CARS2: variants seen among roughly 807,000 people sequenced by gnomAD.
The protein encoded by CARS2 is cysteinyl-tRNA synthetase 2, mitochondrial, also known as probable cysteine--tRNA ligase, mitochondrial.
In CARS2, 52 loss-of-function variants were observed where a neutral mutation model predicts 68.8. That is an observed-to-expected ratio of 0.76 (90% CI 0.61 to 0.95). CARS2 has a LOEUF of 0.95. Among genes scored for constraint, CARS2 ranks in the 40% least tolerant of loss-of-function variants. The probability of loss-of-function intolerance (pLI) is 0.00; values close to 1 mark genes in which losing one functional copy is unlikely to be tolerated. For missense variants in CARS2, 780 were observed against 754.2 expected (o/e 1.03, Z -0.40); for synonymous variants, 314 against 303.6 (o/e 1.03, Z -0.36).
upstream of CARS2, among the ~76,000 whole-genome samples, chr13:110,708,733 T>G (rs1412720297): frequency 6.6e-6 from 1 of 151,752 alleles, no homozygotes; most frequent in Non-Finnish European, 1.5e-5. Flanking sequence ...GCCCAGCTAA[T>G]TTTTGCATTT....
chr13:110,705,918 G>A lies in CARS2; in HGVS notation c.176C>T (p.Thr59Ile). Residue 59 changes from threonine (T) to isoleucine (I), a missense_variant, in exon 1 of 15, where the codon ACC becomes ATC. Physicochemically the swap from Thr to Ile is moderately conservative, Grantham distance 89. Transcript: ENST00000257347. This position sits in a 1 kb window ranked among gnomAD's most constrained non-coding sequence, Gnocchi z 4.0. ...ETGVQVYNSL[T>I]GRKEPLIVAH... is the part of the protein sequence containing the mutation. ...CACGATTAGGGGTTCCTTCCTCCCG[G>A]TGAGGCTGTTGTACACCTGCACACC... The A allele has an allele frequency of 6.3e-7, 1 of 1,575,488 alleles. No individual in the cohort carries two copies. The highest frequency in any genetic ancestry group is 8.6e-7 in the Non-Finnish European group (1 of 1,162,964).
chr13:110,709,738 A>T (rs2064011442), upstream of CARS2, among the ~76,000 whole-genome samples: 1 of 151,926 alleles, frequency 6.6e-6, no homozygotes, highest in Non-Finnish European at 1.5e-5. Flanking sequence ...TATATACATT[A>T]TATATATCTA....
intron 3 of CARS2, among the ~76,000 whole-genome samples, chr13:110,699,714 A>G (rs1431222564): frequency 4.6e-5 from 7 of 152,264 alleles, no homozygotes; most frequent in South Asian, 4.1e-4. Flanking sequence ...CATGTGGGGC[A>G]AAGAGTGACA....
At chr13:110,689,811 A>C (rs2063405885) in intron 3 of CARS2, among the ~76,000 whole-genome samples, 1 of 152,194 alleles carries the variant, frequency 6.6e-6, no homozygotes, top group African/African-American at 2.4e-5. Context: ...TACAACAATA[A>C]ATCAGTTAAT....
chr13:110,685,459 G>A (rs2063274328), intron 5 of CARS2, among the ~76,000 whole-genome samples: 1 of 152,236 alleles, frequency 6.6e-6, no homozygotes, highest in African/African-American at 2.4e-5. Context: ...AGGAAGGACA[G>A]GAACGTCCAG....
chr13:110,693,881 G>A lies in CARS2; in HGVS notation c.394-5863C>T, dbSNP rs148274133. Among the ~76,000 whole-genome samples, 225 of 152,204 alleles carry A rather than the reference G, an allele frequency of 1.5e-3. 1 individual carries two copies. The highest frequency in any genetic ancestry group is 5.2e-3 in the African/African-American group (216 of 41,536). On this transcript the variant is annotated intron_variant, in intron 3 of 14. Transcript: ENST00000257347. ...TATCTCTCCAGGACAGGAGCCCGCT[G>A]GCTGGGCCCTGTGTCCAGCCCTTCC...
At chr13:110,703,336 G>C (rs957410602) in intron 2 of CARS2, among the ~76,000 whole-genome samples, 1 of 152,142 alleles carries the variant, frequency 6.6e-6, no homozygotes, top group Non-Finnish European at 1.5e-5. Flanking sequence ...ACAATGCTAG[G>C]AGAGCTGAGA....
At chr13:110,689,336 C>T (rs965998448) in intron 3 of CARS2, among the ~76,000 whole-genome samples, 10 of 152,228 alleles carry the variant, frequency 6.6e-5, no homozygotes, top group South Asian at 2.1e-4. Flanking sequence ...AACCAAGTCT[C>T]CCCATTTCAC....
rs753425826 is a variant in CARS2 at position 110,642,435 on chromosome 13, C to A, written c.1503G>T (p.Ala501=). ...CCCCCGTGGCCTCGGGCATGGCCAGCGCAAACTGCCGGACCTTCTGCCGGA... is the reference window on the plus strand; with the variant it reads ...CCCCCGTGGCCTCGGGCATGGCCAGAGCAAACTGCCGGACCTTCTGCCGGA... ...VRFRQKVRQF[A]LAMPEATGDA... The change falls in exon 14 of 15, where the codon GCG becomes GCT. Residue 501 remains alanine, a synonymous_variant. Coordinates refer to ENST00000257347, the MANE Select transcript of CARS2 (RefSeq NM_024537.4). 6.2e-7 allele frequency: 1 copy of A among 1,606,218 alleles called. No homozygotes were observed. The highest frequency in any genetic ancestry group is 1.7e-5 in the Admixed American group (1 of 59,356).
At chr13:110,687,363 T>C (rs1353519322) in intron 5 of CARS2, among the ~76,000 whole-genome samples, 1 of 151,884 alleles carries the variant, frequency 6.6e-6, no homozygotes, top group Non-Finnish European at 1.5e-5. Flanking sequence ...ATCCCAGTAA[T>C]GTTTTAGTTT....
At chr13:110,671,104 T>C (rs1229825508) in intron 7 of CARS2, among the ~76,000 whole-genome samples, 2 of 151,306 alleles carry the variant, frequency 1.3e-5, no homozygotes, top group Non-Finnish European at 2.9e-5. Flanking sequence ...TACCTGAAAG[T>C]GACAGGGAGA....
At chr13:110,649,499 C>T (rs982431438) in intron 10 of CARS2, among the ~76,000 whole-genome samples, 1 of 152,178 alleles carries the variant, frequency 6.6e-6, no homozygotes, top group African/African-American at 2.4e-5. Context: ...TCACCCAAAC[C>T]CACCAAAGCT....
At chr13:110,654,335 C>T (rs886693166) in intron 9 of CARS2, among the ~76,000 whole-genome samples, 25 of 152,158 alleles carry the variant, frequency 1.6e-4, no homozygotes, top group Admixed American at 3.9e-4. Flanking sequence ...GCCTCCATTA[C>T]GCAGAAAGCA....
chr13:110,646,403 G>T, intron 11 of CARS2: 1 of 216,248 alleles, frequency 4.6e-6, no homozygotes, highest in Non-Finnish European at 9.0e-6. Context: ...AGGAAGACTC[G>T]GTGGGGGAGA....
At position 110,641,564 on chromosome 13, in the gene CARS2, C is replaced by G; in HGVS notation, c.1668G>C (p.Arg556Ser). 1.2e-6 allele frequency: 2 copies of G among 1,614,118 alleles called. No individual in the cohort carries two copies. Among genetic ancestry groups the G allele is most frequent in the Non-Finnish European group, 1.7e-6 (2 of 1,179,988 alleles). The change falls in exon 15 of 15, where the codon AGG (arginine) becomes AGC (serine). Residue 556 changes from arginine to serine, a missense_variant. Physicochemically the swap from Arg to Ser is moderately radical, Grantham distance 110. Transcript: ENST00000257347. The part of the protein sequence containing the change: ...TTSTWELLDQ[R>S]TKDQKSAG ...AGCCCGCTGATTTTTGGTCTTTTGTCCTTTGATCCAGCAGTTCCCACGTGG... is the reference window on the plus strand; with the variant it reads ...AGCCCGCTGATTTTTGGTCTTTTGTGCTTTGATCCAGCAGTTCCCACGTGG...
chr13:110,710,827 G>A (rs763703569), upstream of CARS2, among the ~76,000 whole-genome samples: 1 of 152,154 alleles, frequency 6.6e-6, no homozygotes, highest in Non-Finnish European at 1.5e-5. Context: ...GTAGACACTC[G>A]TCAATATTCC....
chr13:110,642,284 G>A (rs1887448820), intron 14 of CARS2, 31 bp downstream of exon 14: 1 of 1,523,956 alleles, frequency 6.6e-7, no homozygotes, highest in African/African-American at 1.4e-5. Context: ...GGCTCCTGGG[G>A]TGATGTCCCT....
At chr13:110,682,959 G>C in intron 6 of CARS2, 92 bp downstream of exon 6, 1 of 747,580 alleles carries the variant, frequency 1.3e-6, no homozygotes, top group Non-Finnish European at 2.1e-6. Context: ...GTCTGAGCAA[G>C]TGGAGGGGTC....
chr13:110,713,045 C>T (rs780995694), intron 1 of CARS2: 40 of 1,468,494 alleles, frequency 2.7e-5, no homozygotes, highest in Non-Finnish European at 3.5e-5. Flanking sequence ...GCGCATGCGC[C>T]GCCACTTCCG....
Sources: gnomAD v4.1 joint callset for allele counts (sites outside exome capture counted in the v4.1 genomes callset) on GRCh38, gnomAD v4.1.1 for gene constraint, Gnocchi (gnomAD v3.1) non-coding constraint, MANE v1.5 for transcripts, NCBI Gene and HGNC (gene_info 2026-07-23, HGNC 2026-07-21) for gene names.